The following ME1 variants were observed in gnomAD, a reference collection of about 807,000 sequenced individuals.
The protein encoded by ME1 is NADP-dependent malic enzyme.
Under a neutral mutation model 66.4 loss-of-function variants are expected in ME1, and 74 were observed. That is an observed-to-expected ratio of 1.11 (90% CI 0.92 to 1.35). The LOEUF (loss-of-function observed/expected upper bound fraction) is 1.35, where lower values mean the gene tolerates loss of function less well. Ranked by LOEUF, ME1 falls within the 40% of genes most tolerant of loss-of-function variation. ME1 has a pLI of 0.00. For missense variants in ME1, 750 were observed against 694.1 expected (o/e 1.08, Z -0.90); for synonymous variants, 251 against 235.6 (o/e 1.07, Z -0.60).
rs1395303099 is a variant in ME1, at chr6:83,292,231, CT to C, written c.704+23078del. ...TTTTGGAATTTTCAGCCTTTCTGCT[CT>C]GGTTTCTACACATCTTTGTGGTTTT... On this transcript the variant is annotated intron_variant, in intron 6 of 13. Transcript: ENST00000369705. 3.3e-5 allele frequency among the ~76,000 whole-genome samples: 5 copies of C among 152,278 alleles called. No individual in the cohort carries two copies. The East Asian group carries it at 7.7e-4, about 24-fold the overall frequency.
chr6:83,320,989 AC>A (rs1368695908), intron 5 of ME1, among the ~76,000 whole-genome samples: 1 of 152,162 alleles, frequency 6.6e-6, no homozygotes, highest in Non-Finnish European at 1.5e-5. Flanking sequence ...GACAGTGGGT[AC>A]AGCCCACAGA....
In ME1 at chr6:83,347,756, T is replaced by G. The variant is rs544745836; in HGVS notation, c.439-1422A>C. On this transcript the variant is annotated intron_variant, in intron 4 of 13. Coordinates refer to ENST00000369705, the MANE Select transcript of ME1 (RefSeq NM_002395.6). ...AAAAATTTATAGCTATTATTACTAT[T>G]ATTTCACTGGAGCTAATTATAAAGT... is the stretch of plus-strand genomic sequence containing the variant. Among the ~76,000 whole-genome samples the G allele has an allele frequency of 7.0e-4, 106 of 152,314 alleles. No individual in the cohort carries two copies. The South Asian group carries it at 0.02, about 29-fold the overall frequency.
chr6:83,398,623 C>A, intron 2 of ME1, 107 bp from the exon 3 acceptor site: 1 of 576,420 alleles, frequency 1.7e-6, no homozygotes, highest in Admixed American at 3.4e-5. Context: ...ATTTAGGTTA[C>A]ATAGAAAACA....
intron 6 of ME1, among the ~76,000 whole-genome samples, chr6:83,285,074 G>T (rs969668913): frequency 6.6e-6 from 1 of 152,064 alleles, no homozygotes; most frequent in Non-Finnish European, 1.5e-5. Flanking sequence ...TTCCCGTTTT[G>T]TCTTTTCTTA....
chr6:83,259,430 A>AG (rs1766841825), intron 6 of ME1, among the ~76,000 whole-genome samples: 2 of 152,188 alleles, frequency 1.3e-5, no homozygotes, highest in Admixed American at 1.3e-4. Flanking sequence ...AACATGAATT[A>AG]GGTGAGACTT....
At position 83,346,243 on chromosome 6, in the gene ME1, T is replaced by C. The variant is rs1384992902; in HGVS notation, c.530A>G (p.Tyr177Cys). The C allele has an allele frequency of 3.1e-6, 5 of 1,613,710 alleles. No homozygotes were observed. The highest frequency in any genetic ancestry group is 2.2e-5 in the South Asian group (2 of 91,034). The change falls in exon 5 of 14, where the codon TAT becomes TGT. Residue 177 changes from tyrosine (Y) to cysteine (C), a missense_variant. Transcript: ENST00000369705. ...AGGATTCATCCCTCCGCAAGCTGTA[T>C]ATAGAGCCAATTTACCCACAGGGAT... The part of the protein sequence containing the change: ...MGIPVGKLAL[Y>C]TACGGMNPQE...
chr6:83,364,340 C>T (rs895965844), intron 3 of ME1, among the ~76,000 whole-genome samples: 1 of 152,166 alleles, frequency 6.6e-6, no homozygotes, highest in Non-Finnish European at 1.5e-5. Flanking sequence ...AGCCTGCAGA[C>T]AGCCTATTGT....
chr6:83,412,144 A>G (rs1390771271), intron 1 of ME1, among the ~76,000 whole-genome samples: 1 of 152,238 alleles, frequency 6.6e-6, no homozygotes, highest in East Asian at 1.9e-4. Flanking sequence ...TAAAAACAGA[A>G]CAAATATATT....
At chr6:83,305,260 T>C (rs1030133252) in intron 6 of ME1, among the ~76,000 whole-genome samples, 9 of 152,134 alleles carry the variant, frequency 5.9e-5, no homozygotes, top group Non-Finnish European at 1.2e-4. Context: ...AGTAGATCCC[T>C]GTCCTTGACA....
At chr6:83,385,173 G>A (rs1183071628) in intron 3 of ME1, among the ~76,000 whole-genome samples, 2 of 151,774 alleles carry the variant, frequency 1.3e-5, no homozygotes, top group African/African-American at 4.9e-5. Flanking sequence ...TCAAAACCAT[G>A]GTATGCAAAA....
chr6:83,406,284 T>C lies in ME1; in HGVS notation c.212+1484A>G, dbSNP rs184764780. On this transcript the variant is annotated intron_variant, in intron 2 of 13. Coordinates refer to ENST00000369705, the MANE Select transcript of ME1 (RefSeq NM_002395.6). Reference sequence around the variant, plus strand: ...ATGTTCATCAGGGATATTAGCCTGATGTTTTCTTTTTTTGTTGTGTCTCTT... The same window carrying C: ...ATGTTCATCAGGGATATTAGCCTGACGTTTTCTTTTTTTGTTGTGTCTCTT... 5.1e-3 allele frequency among the ~76,000 whole-genome samples: 779 copies of C among 152,296 alleles called. 4 individuals carry two copies. The highest frequency in any genetic ancestry group is 0.017 in the African/African-American group (724 of 41,562).
intron 6 of ME1, among the ~76,000 whole-genome samples, chr6:83,307,440 G>A (rs1767847053): frequency 3.3e-5 from 5 of 151,756 alleles, no homozygotes; most frequent in Admixed American, 3.3e-4. Context: ...TTTTTCACCT[G>A]GTTATTTCAC....
intron 5 of ME1, among the ~76,000 whole-genome samples, chr6:83,334,114 G>C (rs562069796): frequency 7.9e-5 from 12 of 152,118 alleles, no homozygotes; most frequent in African/African-American, 2.9e-4. Context: ...TGCGTGCACC[G>C]TGCGCGAGCC....
intron 3 of ME1, among the ~76,000 whole-genome samples, chr6:83,357,935 CTATATATATATATATATATATATATA>C (rs60624497): frequency 6.7e-5 from 2 of 30,040 alleles, no homozygotes; most frequent in African/African-American, 2.3e-4. Flanking sequence ...CTCTCTCTCT[CTATATATATATATATATATATATATA>C]TATATATATA....
intron 6 of ME1, among the ~76,000 whole-genome samples, chr6:83,268,615 G>A (rs1161697094): frequency 1.3e-5 from 2 of 152,002 alleles, no homozygotes; most frequent in East Asian, 3.9e-4. Context: ...ACCCAGGCTG[G>A]AGTGCAATGG....
chr6:83,381,027 A>G (rs553654347), intron 3 of ME1, among the ~76,000 whole-genome samples: 1 of 152,074 alleles, frequency 6.6e-6, no homozygotes, highest in South Asian at 2.1e-4. Flanking sequence ...ATGGAGAGAA[A>G]TATCTGAGAT....
At chr6:83,262,986 G>A (rs956613586) in intron 6 of ME1, among the ~76,000 whole-genome samples, 1 of 152,106 alleles carries the variant, frequency 6.6e-6, no homozygotes, top group Admixed American at 6.6e-5. Context: ...TTGAAGATTT[G>A]TGACAACCCT....
chr6:83,386,422 C>G (rs1769503386), intron 3 of ME1, among the ~76,000 whole-genome samples: 1 of 151,864 alleles, frequency 6.6e-6, no homozygotes, highest in African/African-American at 2.4e-5. Flanking sequence ...TTAAAAAAGG[C>G]AAATCCAATT....
intron 13 of ME1, among the ~76,000 whole-genome samples, chr6:83,213,654 A>G (rs1192066115): frequency 6.6e-6 from 1 of 152,106 alleles, no homozygotes; most frequent in Non-Finnish European, 1.5e-5. Flanking sequence ...GGTGTGAGCC[A>G]CCGTGCCCAG....
Sources: allele counts gnomAD v4.1 joint callset (sites outside exome capture counted in the v4.1 genomes callset), GRCh38; gene constraint gnomAD v4.1.1; transcripts MANE v1.5; gene names NCBI Gene and HGNC (gene_info 2026-07-23, HGNC 2026-07-21).